MTARC1: variants seen among roughly 807,000 people sequenced by gnomAD.
MTARC1 encodes the protein mitochondrial amidoxime-reducing component 1.
A neutral mutation model predicts 33.6 loss-of-function variants in MTARC1; 24 were observed. The observed-to-expected ratio is 0.72, with a 90% CI of 0.52 to 1.01. The LOEUF (loss-of-function observed/expected upper bound fraction) is 1.01. MTARC1 is among the 50% of genes least tolerant of loss of function. The probability of loss-of-function intolerance (pLI) is 0.00; values close to 1 mark genes in which losing one functional copy is unlikely to be tolerated. For missense variants in MTARC1, 417 were observed against 445.7 expected (o/e 0.94, Z 0.58); for synonymous variants, 187 against 189.5 (o/e 0.99, Z 0.11).
Position 220,786,922 on chromosome 1 carries a change from G to T in MTARC1, c.-23G>T. On this transcript the variant is annotated 5_prime_UTR_variant, in exon 1 of 7. Coordinates refer to ENST00000366910, the MANE Select transcript of MTARC1 (RefSeq NM_022746.4). ...ACCAGCGCGCTCCGGCCTTGCCGCC[G>T]CCACCTCGCGGAGAAGCCAGCCATG... 8.1e-7 allele frequency: 1 copy of T among 1,229,258 alleles called. No homozygotes were observed. Among genetic ancestry groups the T allele is most frequent in the Non-Finnish European group, 1.0e-6 (1 of 987,288 alleles). The allele number at this position is 1,229,258 out of a possible 1,614,324, so 76.1% of individuals were successfully genotyped here.
At position 220,811,514 on chromosome 1, in the gene MTARC1, C is replaced by G. The variant is rs559399514; in HGVS notation, c.888-1778C>G. ...AGAAGGTGGTTCTAGATTTGACTCT[C>G]TGTTTTCTCCTTAACAATTTCTGAT... is the stretch of plus-strand genomic sequence containing the variant. On this transcript the variant is annotated intron_variant, in intron 6 of 6. Coordinates refer to ENST00000366910, the MANE Select transcript of MTARC1 (RefSeq NM_022746.4). Among the ~76,000 whole-genome samples the G allele has an allele frequency of 6.6e-5, 10 of 152,352 alleles. No individual in the cohort carries two copies. In the South Asian group the frequency reaches 1.7e-3, roughly 25 times the overall value.
chr1:220,804,956 G>A (rs1403858563), intron 4 of MTARC1, 96 bp from the exon 5 acceptor site: 11 of 1,304,328 alleles, frequency 8.4e-6, no homozygotes, highest in South Asian at 1.2e-5. Context: ...TGATGTGGGT[G>A]ACATCGTTAG....
At chr1:220,810,287 A>G (rs1257477215) in intron 6 of MTARC1, among the ~76,000 whole-genome samples, 3 of 152,162 alleles carry the variant, frequency 2.0e-5, no homozygotes, top group African/African-American at 7.2e-5. Flanking sequence ...GAATTCATAG[A>G]CTGCTTGCAA....
chr1:220,799,467 G>A (rs1672717621), intron 4 of MTARC1, among the ~76,000 whole-genome samples: 1 of 152,174 alleles, frequency 6.6e-6, no homozygotes, highest in Admixed American at 6.5e-5. Flanking sequence ...ACCAGCTATG[G>A]CTAGGAGAGC....
At chr1:220,806,788 C>G (rs936092954) in intron 6 of MTARC1, among the ~76,000 whole-genome samples, 9 of 152,174 alleles carry the variant, frequency 5.9e-5, no homozygotes, top group Admixed American at 2.0e-4. Flanking sequence ...GAGTGTGGGC[C>G]AGGCTGCAGC....
At chr1:220,803,791 CT>C (rs1210624308) in intron 4 of MTARC1, among the ~76,000 whole-genome samples, 1 of 152,072 alleles carries the variant, frequency 6.6e-6, no homozygotes, top group Non-Finnish European at 1.5e-5. Context: ...CTTTTATACC[CT>C]TTTTATGTGT....
intron 1 of MTARC1, 69 bp downstream of exon 1, chr1:220,787,288 G>C: frequency 6.8e-7 from 1 of 1,464,262 alleles, no homozygotes; most frequent in South Asian, 1.3e-5. Context: ...AGGGAGGAGC[G>C]CAGGGGAGGT....
intron 4 of MTARC1, among the ~76,000 whole-genome samples, chr1:220,800,894 CT>C (rs1333446350): frequency 5.5e-5 from 6 of 109,434 alleles, no homozygotes; most frequent in Non-Finnish European, 9.2e-5. Context: ...GTGGCTGGGC[CT>C]TCCCCCCCAC....
intron 6 of MTARC1, among the ~76,000 whole-genome samples, chr1:220,810,156 TGA>T (rs1163753810): frequency 6.6e-6 from 1 of 152,232 alleles, no homozygotes; most frequent in African/African-American, 2.4e-5. Context: ...AGATTTTAAA[TGA>T]GTTTTAATTT....
intron 4 of MTARC1, among the ~76,000 whole-genome samples, chr1:220,802,816 G>A (rs1672856555): frequency 1.3e-5 from 2 of 152,254 alleles, no homozygotes; most frequent in Non-Finnish European, 2.9e-5. Context: ...GTTACTTTAA[G>A]TTTGGACCAC....
At chr1:220,798,751 T>C (rs1347654241) in intron 4 of MTARC1, 2 of 809,634 alleles carry the variant, frequency 2.5e-6, no homozygotes. Context: ...GCTCTGGTTG[T>C]GCCTCAAATT....
chr1:220,799,181 C>G, intron 4 of MTARC1: 1 of 983,806 alleles, frequency 1.0e-6, no homozygotes. Context: ...AAAAGTACGC[C>G]CAAATCCACT....
chr1:220,810,175 A>G (rs1254230761), intron 6 of MTARC1, among the ~76,000 whole-genome samples: 3 of 152,250 alleles, frequency 2.0e-5, no homozygotes, highest in Non-Finnish European at 4.4e-5. Flanking sequence ...ATTTATTAAT[A>G]CCAACAGGAA....
At chr1:220,802,139 T>C (rs1199126824) in intron 4 of MTARC1, among the ~76,000 whole-genome samples, 1 of 152,118 alleles carries the variant, frequency 6.6e-6, no homozygotes, top group Non-Finnish European at 1.5e-5. Context: ...CCCTTTTCTC[T>C]CCCCTCCTTG....
intron 4 of MTARC1, chr1:220,799,220 C>T (rs1672712644): frequency 2.1e-6 from 2 of 963,984 alleles, no homozygotes; most frequent in South Asian, 4.8e-5. Flanking sequence ...ATACTCATTG[C>T]TCCAAACTTC....
At chr1:220,793,757 T>G (rs551992072) in intron 2 of MTARC1, 6 of 152,360 alleles carry the variant, frequency 3.9e-5, no homozygotes, top group African/African-American at 1.4e-4. Flanking sequence ...TCTCAAGCCA[T>G]GCCTACATTA....
chr1:220,805,407 T>C lies in MTARC1; in HGVS notation c.887+133T>C. ...AGTCTTGAAACTCAAGAGGGTCCCA[T>C]TAACGAGATAATTTGGGAAACATTC... On this transcript the variant is annotated intron_variant, in intron 6 of 6. Coordinates refer to ENST00000366910, the MANE Select transcript of MTARC1 (RefSeq NM_022746.4). 3.3e-6 allele frequency: 3 copies of C among 913,156 alleles called. No individual in the cohort carries two copies. In the Admixed American group the frequency reaches 6.5e-5, roughly 20 times the overall value. 56.6% of individuals were successfully genotyped at this position (913,156 alleles called of 1,614,324 possible). A position where few individuals can be genotyped will look rare whatever the true frequency, so the allele number is the denominator to read the frequency against.
intron 4 of MTARC1, chr1:220,798,602 TA>T: frequency 1.0e-6 from 1 of 982,284 alleles, no homozygotes; most frequent in Non-Finnish European, 1.2e-6. Context: ...ACCTTTGTAA[TA>T]AATGGCCTTT....
Position 220,798,165 on chromosome 1 carries a change from TTAA to T in MTARC1, c.753+155_753+157del, listed in dbSNP as rs544315852. 762 of 1,589,360 alleles carry T rather than the reference TTAA, an allele frequency of 4.8e-4. 4 individuals carry two copies. In the African/African-American group the frequency reaches 8.9e-3, roughly 19 times the overall value. ...TTTGATTTTTAGATTTATTCAGCAC[TTAA>T]TAAGTGCAGACTTCTGTGTGGAGGA... On this transcript the variant is annotated intron_variant, in intron 4 of 6. Transcript: ENST00000366910.
Sources: allele counts gnomAD v4.1 joint callset (sites outside exome capture counted in the v4.1 genomes callset), GRCh38; gene constraint gnomAD v4.1.1; transcripts MANE v1.5; gene names NCBI Gene and HGNC (gene_info 2026-07-23, HGNC 2026-07-21).